The following FRMPD4 variants were observed in gnomAD, a reference collection of about 807,000 sequenced individuals.
FRMPD4 encodes FERM and PDZ domain-containing protein 4.
FRMPD4 carries 22 observed loss-of-function variants against 94.1 expected under a neutral mutation model. That is an observed-to-expected ratio of 0.23 (90% CI 0.17 to 0.33). The LOEUF (loss-of-function observed/expected upper bound fraction) is 0.33, where lower values mean the gene tolerates loss of function less well. Among genes scored for constraint, FRMPD4 ranks in the 10% least tolerant of loss-of-function variants. The pLI, the probability that FRMPD4 is intolerant of heterozygous loss-of-function variation, is 1.00. For synonymous variants in FRMPD4, 631 were observed against 548.6 expected (o/e 1.15, Z -2.10); for missense variants, 1,111 against 1,339.9 (o/e 0.83, Z 2.67).
rs1419957165 is a variant in FRMPD4 at position 12,633,460 on chromosome X, G to A, written c.422+18579G>A. 4.5e-5 allele frequency among the ~76,000 whole-genome samples: 5 copies of A among 111,811 alleles called. No individual in the cohort carries two copies. In the East Asian group the frequency reaches 1.1e-3, roughly 25 times the overall value. On this transcript the variant is annotated intron_variant, in intron 4 of 16. Coordinates refer to ENST00000675598, the MANE Select transcript of FRMPD4 (RefSeq NM_001368397.1). ...CCACCAGAGGACCCTTTTGAATGGC[G>A]AGAGCTGAGTAGCATCCCCTAAAAC...
chrX:12,094,412 T>C (rs897872438), intron 3 of FRMPD4, among the ~76,000 whole-genome samples: 2 of 112,205 alleles, frequency 1.8e-5, no homozygotes, highest in Admixed American at 9.4e-5. Flanking sequence ...TTTCCTGCTT[T>C]TCTAGATCCC....
At chrX:12,596,027 T>C (rs1244010401) in intron 2 of FRMPD4, among the ~76,000 whole-genome samples, 1 of 112,477 alleles carries the variant, frequency 8.9e-6, no homozygotes, top group African/African-American at 3.2e-5. Flanking sequence ...AATTGCTTCT[T>C]ATCTGGGAAC....
chrX:12,702,787 T>C (rs1445996560), intron 10 of FRMPD4, among the ~76,000 whole-genome samples: 1 of 112,255 alleles, frequency 8.9e-6, no homozygotes, highest in Non-Finnish European at 1.9e-5. Context: ...TAGGGACAAA[T>C]CCTCATATGC....
At chrX:11,849,843 G>C (rs990324757) in intron 1 of FRMPD4, among the ~76,000 whole-genome samples, 23 of 111,100 alleles carry the variant, frequency 2.1e-4, no homozygotes, top group African/African-American at 7.2e-4. Context: ...AAACATAGGA[G>C]AAAAACTTCA....
intron 2 of FRMPD4, among the ~76,000 whole-genome samples, chrX:12,580,062 T>C (rs1482841123): frequency 8.9e-6 from 1 of 111,910 alleles, no homozygotes; most frequent in African/African-American, 3.2e-5. Flanking sequence ...AAATAAAAAA[T>C]ATTTAAATAC....
chrX:12,619,946 G>C (rs1378489399), intron 4 of FRMPD4, among the ~76,000 whole-genome samples: 1 of 112,617 alleles, frequency 8.9e-6, no homozygotes, highest in Non-Finnish European at 1.9e-5. Flanking sequence ...GGGACACCCT[G>C]TGTCCCCTCA....
chrX:12,107,487 A>T (rs6640893), intron 3 of FRMPD4, among the ~76,000 whole-genome samples: 9,173 of 111,845 alleles, frequency 0.082, 893 homozygotes, highest in East Asian at 0.58. Context: ...TAAAAATCAG[A>T]GCGCCTCTCC....
rs2055120104 is a variant in FRMPD4 at position 12,316,536 on chromosome X, C to T, written c.41+177524C>T. Among the ~76,000 whole-genome samples the T allele has an allele frequency of 2.7e-5, 3 of 112,129 alleles. 1 individual carries two copies. The Admixed American group carries it at 2.8e-4, about 11-fold the overall frequency. On this transcript the variant is annotated intron_variant, in intron 1 of 16. Transcript: ENST00000675598. ...ATTGTGTGTTTGAAGATATAACCAT[C>T]ATAGCTTTTATTAAATTCAACTGAA...
At chrX:12,675,283 C>A (rs779854497) in intron 5 of FRMPD4, among the ~76,000 whole-genome samples, 2 of 111,373 alleles carry the variant, frequency 1.8e-5, no homozygotes, top group Non-Finnish European at 3.8e-5. Flanking sequence ...TTATCCCCAT[C>A]TATTTGGCAG....
In FRMPD4 at chrX:12,718,402, C is replaced by T. The variant is rs781246179; in HGVS notation, c.3576C>T (p.Asp1192=). 4.7e-5 allele frequency: 57 copies of T among 1,210,114 alleles called. No individual in the cohort carries two copies. The highest frequency in any genetic ancestry group is 6.1e-5 in the Non-Finnish European group (55 of 894,993). The change falls in exon 16 of 17, where the codon GAC becomes GAT. Residue 1192 remains aspartate (D), a synonymous_variant. Transcript: ENST00000675598. ...EADESVARLC[D]YHLAKRMSSL... ...ATGAGAGTGTGGCCCGCCTTTGTGA[C>T]TACCACTTGGCCAAGCGGATGTCAT...
chrX:12,372,521 G>C (rs780421629), intron 1 of FRMPD4, among the ~76,000 whole-genome samples: 19 of 112,780 alleles, frequency 1.7e-4, no homozygotes, highest in Non-Finnish European at 3.6e-4. Context: ...CTCCTCCCAG[G>C]ACCTGCTGGA....
At chrX:12,543,409 C>A (rs1307616116) in intron 2 of FRMPD4, among the ~76,000 whole-genome samples, 2 of 111,661 alleles carry the variant, frequency 1.8e-5, no homozygotes, top group African/African-American at 6.5e-5. Context: ...AACAAACAAC[C>A]CCATCAAAAA....
chrX:12,283,414 G>A (rs189076179), intron 1 of FRMPD4, among the ~76,000 whole-genome samples: 5 of 112,851 alleles, frequency 4.4e-5, no homozygotes, highest in Non-Finnish European at 9.4e-5. Flanking sequence ...AAACTGATGA[G>A]TATACTCTTC....
At chrX:11,987,341 G>A (rs1314029187) in intron 3 of FRMPD4, among the ~76,000 whole-genome samples, 1 of 110,866 alleles carries the variant, frequency 9.0e-6, no homozygotes, top group Non-Finnish European at 1.9e-5. Context: ...TTCAATTGAT[G>A]CTGAAAAAGC....
At chrX:12,492,271 A>G (rs372354578) in intron 1 of FRMPD4, among the ~76,000 whole-genome samples, 21 of 111,670 alleles carry the variant, frequency 1.9e-4, no homozygotes, top group African/African-American at 6.5e-4. Context: ...GAAGAAGACC[A>G]GTTAACCCAG....
At chrX:11,864,521 G>A (rs957733184) in intron 1 of FRMPD4, among the ~76,000 whole-genome samples, 20 of 111,780 alleles carry the variant, frequency 1.8e-4, no homozygotes, top group African/African-American at 6.5e-4. Context: ...TTTGGGAAAA[G>A]TGTATATTTC....
chrX:12,065,350 A>G (rs2054912147), intron 3 of FRMPD4, among the ~76,000 whole-genome samples: 1 of 112,173 alleles, frequency 8.9e-6, no homozygotes, highest in East Asian at 2.8e-4. Flanking sequence ...AGAAAGGGAG[A>G]GTGTTTCCAG....
intron 2 of FRMPD4, among the ~76,000 whole-genome samples, chrX:12,546,364 G>C (rs952775249): frequency 4.5e-5 from 5 of 111,276 alleles, no homozygotes; most frequent in African/African-American, 1.6e-4. Context: ...TTTTCGTAGA[G>C]ACCAGGTTTC....
rs754654972 is a variant in FRMPD4, at chrX:12,197,318, C to T, written c.41+58306C>T. Among the ~76,000 whole-genome samples the T allele has an allele frequency of 6.3e-5, 7 of 111,310 alleles. No individual in the cohort carries two copies. In the South Asian group the frequency reaches 2.6e-3, roughly 42 times the overall value. On this transcript the variant is annotated intron_variant, in intron 1 of 16. Coordinates refer to ENST00000675598, the MANE Select transcript of FRMPD4 (RefSeq NM_001368397.1). ...GGGCTATACAGACCCTATGAGACAG[C>T]GACCCATTTACCACCTATGAAATAT...
Sources: gnomAD v4.1 joint callset for allele counts (sites outside exome capture counted in the v4.1 genomes callset) on GRCh38, gnomAD v4.1.1 for gene constraint, MANE v1.5 for transcripts, NCBI Gene and HGNC (gene_info 2026-07-23, HGNC 2026-07-21) for gene names.